SCMH1: variants seen among roughly 807,000 people sequenced by gnomAD.
SCMH1 encodes polycomb protein SCMH1.
In SCMH1, 37 loss-of-function variants were observed where a neutral mutation model predicts 70.8. The observed-to-expected ratio is 0.52, with a 90% CI of 0.40 to 0.69. The LOEUF (loss-of-function observed/expected upper bound fraction) is 0.69, where lower values mean the gene tolerates loss of function less well. SCMH1 is among the 30% of genes least tolerant of loss of function. The pLI is 0.00. For missense variants in SCMH1, 607 were observed against 827.3 expected, an observed-to-expected ratio of 0.73 and a Z score of 3.27; for synonymous variants, 292 against 307.4, an observed-to-expected ratio of 0.95 and a Z score of 0.52.
chr1:41,055,062 G>A (rs963339336), intron 10 of SCMH1, among the ~76,000 whole-genome samples: 4 of 151,746 alleles, frequency 2.6e-5, no homozygotes, highest in Non-Finnish European at 4.4e-5. Flanking sequence ...GCATTATGGG[G>A]GCGAGCCACT....
intron 1 of SCMH1, among the ~76,000 whole-genome samples, chr1:41,194,724 A>G (rs1471309416): frequency 6.6e-6 from 1 of 151,980 alleles, no homozygotes; most frequent in Non-Finnish European, 1.5e-5. Context: ...GTACATGACC[A>G]GGGCCATTTG....
At chr1:41,220,791 G>A (rs967827857) in intron 1 of SCMH1, among the ~76,000 whole-genome samples, 1 of 152,140 alleles carries the variant, frequency 6.6e-6, no homozygotes, top group African/African-American at 2.4e-5. Flanking sequence ...TCTGAACAAG[G>A]TAAACTGGTG....
intron 8 of SCMH1, among the ~76,000 whole-genome samples, chr1:41,106,025 C>T (rs1012264785): frequency 1.2e-4 from 18 of 151,590 alleles, no homozygotes; most frequent in African/African-American, 4.2e-4. Flanking sequence ...CAGGTGCACG[C>T]CACCATGCCC....
chr1:41,100,918 G>C (rs1666451118), intron 8 of SCMH1, among the ~76,000 whole-genome samples: 1 of 152,084 alleles, frequency 6.6e-6, no homozygotes, highest in Non-Finnish European at 1.5e-5. Context: ...ACACTAATGA[G>C]GCTGTCCCTG....
chr1:41,052,584 C>T (rs985423805), intron 10 of SCMH1, among the ~76,000 whole-genome samples: 5 of 152,170 alleles, frequency 3.3e-5, no homozygotes. Flanking sequence ...CTGATCATAT[C>T]CCCGTGATTA....
intron 8 of SCMH1, among the ~76,000 whole-genome samples, chr1:41,089,601 T>C (rs1351813782): frequency 6.6e-6 from 1 of 152,136 alleles, no homozygotes; most frequent in African/African-American, 2.4e-5. Context: ...AGTGAGCCTG[T>C]TAAAACATGC....
chr1:41,101,752 T>C (rs995871376), intron 8 of SCMH1, among the ~76,000 whole-genome samples: 10 of 152,172 alleles, frequency 6.6e-5, no homozygotes, highest in Non-Finnish European at 1.2e-4. Context: ...ACTCAAACAA[T>C]TGCACAAATG....
At chr1:41,122,595 C>T (rs1161587690) in intron 6 of SCMH1, among the ~76,000 whole-genome samples, 1 of 152,112 alleles carries the variant, frequency 6.6e-6, no homozygotes, top group Non-Finnish European at 1.5e-5. Flanking sequence ...TTATGTTATT[C>T]CACTTAATCC....
At chr1:41,051,336 A>G (rs1239313133) in intron 10 of SCMH1, among the ~76,000 whole-genome samples, 1 of 152,276 alleles carries the variant, frequency 6.6e-6, no homozygotes. Context: ...ACTTGGTAAC[A>G]TAATAAATGA....
chr1:41,188,785 T>C, intron 1 of SCMH1, among the ~76,000 whole-genome samples: 1 of 448 alleles, frequency 2.2e-3, no homozygotes, highest in Non-Finnish European at 0.013. Context: ...ACCTGTATAG[T>C]AATAAGTCAA....
At chr1:41,150,332 G>C (rs1644955971) in intron 5 of SCMH1, among the ~76,000 whole-genome samples, 1 of 152,032 alleles carries the variant, frequency 6.6e-6, no homozygotes. Context: ...ATGAGACCCT[G>C]TCTCTACTAA....
At position 41,073,825 on chromosome 1, in the gene SCMH1, G is replaced by A. The variant is rs575426546; in HGVS notation, c.978+1394C>T. On this transcript the variant is annotated intron_variant, in intron 9 of 14. Transcript: ENST00000337495. Reference sequence around the variant, plus strand: ...TGTACAAGGACTGAAGTCAGTGAAAGCTAATAAACAAGCAAAACAAACCAA... The same window carrying A: ...TGTACAAGGACTGAAGTCAGTGAAAACTAATAAACAAGCAAAACAAACCAA... 5.3e-5 allele frequency among the ~76,000 whole-genome samples: 8 copies of A among 152,274 alleles called. No individual in the cohort carries two copies. In the South Asian group the frequency reaches 1.7e-3, roughly 32 times the overall value.
At chr1:41,224,753 C>T (rs1038396952) in intron 1 of SCMH1, among the ~76,000 whole-genome samples, 4 of 152,118 alleles carry the variant, frequency 2.6e-5, no homozygotes, top group Admixed American at 6.6e-5. Context: ...AGGGTTTACC[C>T]GCATTTGTTG....
At chr1:41,232,904 T>C (rs1661586049) in intron 1 of SCMH1, among the ~76,000 whole-genome samples, 1 of 152,208 alleles carries the variant, frequency 6.6e-6, no homozygotes, top group African/African-American at 2.4e-5. Context: ...CTTTTGCTTT[T>C]TCGAGCACCT....
chr1:41,048,973 T>A, intron 10 of SCMH1, 83 bp from the exon 11 acceptor site: 1 of 1,273,720 alleles, frequency 7.9e-7, no homozygotes, highest in East Asian at 2.4e-5. Flanking sequence ...CCATCTTTTA[T>A]ACCTTGGCCT....
At chr1:41,127,042 T>C (rs920839530) in intron 6 of SCMH1, among the ~76,000 whole-genome samples, 4 of 152,284 alleles carry the variant, frequency 2.6e-5, no homozygotes, top group Middle Eastern at 3.4e-3. Flanking sequence ...CTCCTCAAGC[T>C]TTGGAATTTT....
intron 12 of SCMH1, chr1:41,045,909 A>C (rs1410051875): frequency 6.5e-6 from 1 of 152,806 alleles, no homozygotes; most frequent in East Asian, 1.9e-4. Context: ...CGAGTTAGAA[A>C]TAGCAGGAAC....
At chr1:41,028,140 TAGA>T in exon 15 of SCMH1, 2 of 1,610,004 alleles carry the variant, frequency 1.2e-6, no homozygotes, top group Non-Finnish European at 1.7e-6. Flanking sequence ...CCCTCATTCC[TAGA>T]AGAATGCCCC....
chr1:41,211,196 C>G (rs1017977269), intron 1 of SCMH1, among the ~76,000 whole-genome samples: 1 of 152,120 alleles, frequency 6.6e-6, no homozygotes, highest in African/African-American at 2.4e-5. Context: ...AGCTTCTGCA[C>G]AGCAAAAGAA....
Sources: gnomAD v4.1 joint callset for allele counts (sites outside exome capture counted in the v4.1 genomes callset) on GRCh38, gnomAD v4.1.1 for gene constraint, MANE v1.5 for transcripts, NCBI Gene and HGNC (gene_info 2026-07-23, HGNC 2026-07-21) for gene names.